Variants in MAP4K3 observed in about 807,000 individuals in gnomAD.
The protein encoded by MAP4K3 is mitogen-activated protein kinase kinase kinase kinase 3.
MAP4K3 carries 94 observed loss-of-function variants against 143.5 expected under a neutral mutation model. The ratio of observed to expected loss-of-function variants is 0.65; its 90% CI spans 0.55 to 0.78. The LOEUF (loss-of-function observed/expected upper bound fraction) is 0.78, where lower values mean the gene tolerates loss of function less well. MAP4K3 is among the 30% of genes least tolerant of loss of function. The pLI is 0.00. For missense variants in MAP4K3, 1,077 were observed against 1,068.1 expected (o/e 1.01, Z -0.12); for synonymous variants, 416 against 347.2 (o/e 1.20, Z -2.20).
At position 39,382,691 on chromosome 2, in the gene MAP4K3, A is replaced by C. The variant is rs570910610; in HGVS notation, c.97-4568T>G. On this transcript the variant is annotated intron_variant, in intron 1 of 33. Coordinates refer to ENST00000263881, the MANE Select transcript of MAP4K3 (RefSeq NM_003618.4). Reference sequence around the variant, plus strand: ...AACAAAACAATAACAAAATACTGCTACAAATTTTGAATTCTAGGTCAAGCG... The same window carrying C: ...AACAAAACAATAACAAAATACTGCTCCAAATTTTGAATTCTAGGTCAAGCG... Among the ~76,000 whole-genome samples the C allele has an allele frequency of 3.3e-5, 5 of 152,362 alleles. No homozygotes were observed. The South Asian group carries it at 1.0e-3, about 32-fold the overall frequency.
intron 1 of MAP4K3, among the ~76,000 whole-genome samples, chr2:39,399,406 A>G (rs17023823): frequency 0.017 from 2,548 of 152,302 alleles, 68 homozygotes; most frequent in African/African-American, 0.059. Context: ...ATCCAGTCAA[A>G]GAATGAAAGC....
At chr2:39,268,280 A>G (rs1680854690) in intron 26 of MAP4K3, among the ~76,000 whole-genome samples, 1 of 152,092 alleles carries the variant, frequency 6.6e-6, no homozygotes, top group Non-Finnish European at 1.5e-5. Context: ...AATTGTAAAA[A>G]CCTCAAATTA....
chr2:39,300,810 T>TTAAG (rs1238861731), intron 15 of MAP4K3, among the ~76,000 whole-genome samples: 1 of 152,212 alleles, frequency 6.6e-6, no homozygotes, highest in Non-Finnish European at 1.5e-5. Context: ...ACAGAGCTGC[T>TTAAG]CTAGCACTTA....
chr2:39,380,294 T>A (rs890676584), intron 1 of MAP4K3, among the ~76,000 whole-genome samples: 2 of 152,134 alleles, frequency 1.3e-5, no homozygotes, highest in East Asian at 3.9e-4. Flanking sequence ...GTAAAATCCA[T>A]GTTTATTAAT....
At chr2:39,348,864 C>T (rs72927106) in intron 3 of MAP4K3, among the ~76,000 whole-genome samples, 3,024 of 152,264 alleles carry the variant, frequency 0.02, 97 homozygotes, top group African/African-American at 0.07. Context: ...TCCTAAAACA[C>T]ACTTTTTAAT....
chr2:39,290,267 C>G (rs748658626), intron 19 of MAP4K3, 25 bp downstream of exon 19: 4 of 1,582,400 alleles, frequency 2.5e-6, no homozygotes, highest in Non-Finnish European at 3.4e-6. Context: ...ACACATATAT[C>G]AAATTGAAAA....
chr2:39,337,526 C>G lies in MAP4K3; in HGVS notation c.366G>C (p.Gln122His). 1 of 1,608,594 alleles carries G rather than the reference C, an allele frequency of 6.2e-7. No individual in the cohort carries two copies. The highest frequency in any genetic ancestry group is 8.5e-7 in the Non-Finnish European group (1 of 1,175,828). ...ATTTTTGAATTAGCACTTGATTTAC[C>G]TGCAGTGTTTCTCTGCTAACATATG... Reference protein sequence around the residue: ...QIAYVSRETLQGLYYLHSKGK... With the variant: ...QIAYVSRETLHGLYYLHSKGK... Residue 122 changes from glutamine to histidine, a missense_variant and splice_region_variant, in exon 5 of 34, where the codon CAG becomes CAC. Around this residue, in one of 2 missense-constraint regions of MAP4K3, gnomAD observed 213 missense variants for 266.8 expected, o/e 0.80. Coordinates refer to ENST00000263881, the MANE Select transcript of MAP4K3 (RefSeq NM_003618.4).
intron 15 of MAP4K3, among the ~76,000 whole-genome samples, chr2:39,307,223 C>T (rs1033633604): frequency 8.5e-5 from 13 of 152,054 alleles, no homozygotes; most frequent in Non-Finnish European, 1.5e-4. Flanking sequence ...TTGGGGCTCT[C>T]GCCAACCACA....
intron 1 of MAP4K3, among the ~76,000 whole-genome samples, chr2:39,427,265 A>T (rs1665118164): frequency 6.6e-6 from 1 of 152,028 alleles, no homozygotes; most frequent in Admixed American, 6.6e-5. Context: ...GACAATGAGG[A>T]GGGGGAGGAG....
chr2:39,412,349 C>T (rs947723135), intron 1 of MAP4K3, among the ~76,000 whole-genome samples: 1 of 152,142 alleles, frequency 6.6e-6, no homozygotes, highest in Non-Finnish European at 1.5e-5. Flanking sequence ...AAAATATTTA[C>T]TGACCTTCTA....
At chr2:39,337,293 A>G (rs1664996199) in intron 5 of MAP4K3, among the ~76,000 whole-genome samples, 2 of 152,186 alleles carry the variant, frequency 1.3e-5, no homozygotes, top group South Asian at 2.1e-4. Context: ...AAAATATACA[A>G]TAACAGATGC....
At chr2:39,284,943 T>C (rs1180393673) in intron 21 of MAP4K3, among the ~76,000 whole-genome samples, 1 of 151,998 alleles carries the variant, frequency 6.6e-6, no homozygotes, top group African/African-American at 2.4e-5. Context: ...CAGGCTGGAG[T>C]GCAGTGGCAG....
chr2:39,436,830 G>T, intron 1 of MAP4K3, 62 bp downstream of exon 1: 1 of 1,440,332 alleles, frequency 6.9e-7, no homozygotes, highest in Non-Finnish European at 9.6e-7. Context: ...GGGCTCGGAC[G>T]CCCAGGCTTG....
intron 16 of MAP4K3, among the ~76,000 whole-genome samples, 166 bp from the exon 17 acceptor site, chr2:39,293,434 G>A (rs1245844109): frequency 3.9e-5 from 6 of 152,002 alleles, no homozygotes; most frequent in Non-Finnish European, 1.5e-5. Context: ...AAAACATCAA[G>A]TTATATTTAA....
intron 4 of MAP4K3, among the ~76,000 whole-genome samples, chr2:39,342,138 T>C (rs1453502816): frequency 1.3e-5 from 2 of 148,772 alleles, no homozygotes; most frequent in East Asian, 4.0e-4. Context: ...ATTATTATTA[T>C]TATTATTATT....
rs542051307 is a variant in MAP4K3 at position 39,297,001 on chromosome 2, C to T, written c.1178+2742G>A. ...TGGCATTTACTACTACTATACTCAA[C>T]TGTGCCAGGAATTGTGTAATTCAAT... On this transcript the variant is annotated intron_variant, in intron 16 of 33. Coordinates refer to ENST00000263881, the MANE Select transcript of MAP4K3 (RefSeq NM_003618.4). Among the ~76,000 whole-genome samples the T allele has an allele frequency of 5.9e-5, 9 of 152,302 alleles. No homozygotes were observed. In the South Asian group the frequency reaches 1.9e-3, roughly 32 times the overall value.
chr2:39,325,011 C>G (rs1683439277), intron 12 of MAP4K3, among the ~76,000 whole-genome samples: 1 of 152,068 alleles, frequency 6.6e-6, no homozygotes, highest in South Asian at 2.1e-4. Flanking sequence ...GAAACGGGGT[C>G]TTGCTATGTT....
intron 3 of MAP4K3, among the ~76,000 whole-genome samples, chr2:39,355,457 G>A (rs1665585660): frequency 6.6e-6 from 1 of 151,458 alleles, no homozygotes; most frequent in African/African-American, 2.4e-5. Flanking sequence ...CCTGAGCCTA[G>A]GGAGGTCAAG....
At chr2:39,303,901 T>G (rs1335962843) in intron 15 of MAP4K3, among the ~76,000 whole-genome samples, 2 of 152,040 alleles carry the variant, frequency 1.3e-5, no homozygotes, top group African/African-American at 4.8e-5. Flanking sequence ...TGGGCTTAAA[T>G]AGCCAGTAAA....
Sources: allele counts gnomAD v4.1 joint callset (sites outside exome capture counted in the v4.1 genomes callset), GRCh38; gene constraint gnomAD v4.1.1; regional missense constraint gnomAD v4.1.1; transcripts MANE v1.5; gene names NCBI Gene and HGNC (gene_info 2026-07-23, HGNC 2026-07-21).